GMFG: variants seen among roughly 807,000 people sequenced by gnomAD.
The protein encoded by GMFG is glia maturation factor gamma.
In GMFG, 21 loss-of-function variants were observed where a neutral mutation model predicts 26.1. The observed-to-expected ratio is 0.80, with a 90% CI of 0.57 to 1.16. The LOEUF (loss-of-function observed/expected upper bound fraction) is 1.16. Ranked by LOEUF, GMFG falls within the 50% of genes most tolerant of loss-of-function variation. The probability of loss-of-function intolerance (pLI) is 0.00; values close to 1 mark genes in which losing one functional copy is unlikely to be tolerated. For missense variants in GMFG, 161 were observed against 178.3 expected (o/e 0.90, Z 0.55); for synonymous variants, 65 against 60.8 (o/e 1.07, Z -0.32).
chr19:39,334,017 CTTTTTTTTTT>C (rs71169586), intron 3 of GMFG, among the ~76,000 whole-genome samples: 16,761 of 95,146 alleles, frequency 0.18, 1,560 homozygotes, highest in African/African-American at 0.36. Context: ...GAGATGGAGT[CTTTTTTTTTT>C]TTTTTTTTTT....
At chr19:39,329,701 G>A in intron 4 of GMFG, 75 bp from the exon 5 acceptor site, 1 of 915,706 alleles carries the variant, frequency 1.1e-6, no homozygotes, top group East Asian at 2.5e-5. Context: ...TGAGTCCACA[G>A]CCTTGAAATG....
intron 6 of GMFG, 128 bp from the exon 7 acceptor site, chr19:39,328,676 C>A: frequency 1.4e-6 from 1 of 696,578 alleles, no homozygotes; most frequent in South Asian, 1.5e-5. Context: ...GTCAGGAGTT[C>A]GAGACCAGCC....
chr19:39,329,560 G>C lies in GMFG; in HGVS notation c.267C>G (p.Ile89Met), dbSNP rs767923581. 6.2e-7 allele frequency: 1 copy of C among 1,603,006 alleles called. No individual in the cohort carries two copies. Among genetic ancestry groups the C allele is most frequent in the Non-Finnish European group, 8.5e-7 (1 of 1,169,952 alleles). ...DGRVSYPLCF[I>M]FSSPVGCKPE... ...GTGTCTCACCCACAGGGCTGGAGAA[G>C]ATGAAACACAAAGGGTAGGACACTC... The change falls in exon 5 of 7, where the codon ATC becomes ATG. Residue 89 changes from isoleucine to methionine, a missense_variant. By Grantham distance (10) the Ile-to-Met change is conservative. Transcript: ENST00000597595.
intron 3 of GMFG, among the ~76,000 whole-genome samples, chr19:39,333,766 G>T (rs1000183909): frequency 2.0e-5 from 3 of 152,008 alleles, no homozygotes; most frequent in Non-Finnish European, 4.4e-5. Context: ...TAAGGCATTT[G>T]CCCAAGATTG....
intron 6 of GMFG, 21 bp downstream of exon 6, chr19:39,328,979 G>C (rs768595093): frequency 6.3e-7 from 1 of 1,576,154 alleles, no homozygotes; most frequent in Non-Finnish European, 8.7e-7. Flanking sequence ...TAACACTCTG[G>C]AGCCCCATCC....
At chr19:39,334,899 A>C (rs565768050) in intron 3 of GMFG, among the ~76,000 whole-genome samples, 52 of 152,016 alleles carry the variant, frequency 3.4e-4, no homozygotes, top group Admixed American at 1.0e-3. Flanking sequence ...GTTCAGACTG[A>C]AGTGTAGTGG....
rs1321460182 is a variant in GMFG at position 39,329,546 on chromosome 19, A to C, written c.281T>G (p.Val94Gly). 1.3e-6 allele frequency: 2 copies of C among 1,582,236 alleles called. No individual in the cohort carries two copies. Among genetic ancestry groups the C allele is most frequent in the South Asian group, 2.2e-5 (2 of 90,390 alleles). ...AGGACAGTAGAGCTGTGTCTCACCC[A>C]CAGGGCTGGAGAAGATGAAACACAA... Reference protein sequence around the residue: ...YPLCFIFSSPVGCKPEQQMMY... With the variant: ...YPLCFIFSSPGGCKPEQQMMY... Residue 94 changes from valine (V) to glycine (G), a missense_variant and splice_region_variant, in exon 5 of 7, where the codon GTG becomes GGG. Transcript: ENST00000597595.
chr19:39,333,932 A>G (rs2075237515), intron 3 of GMFG, among the ~76,000 whole-genome samples: 1 of 147,586 alleles, frequency 6.8e-6, no homozygotes, highest in African/African-American at 2.5e-5. Flanking sequence ...AATAAGCCTT[A>G]TTATCATTCT....
intron 1 of GMFG, 52 bp from the exon 2 acceptor site, chr19:39,335,583 C>G (rs1330117284): frequency 2.5e-6 from 3 of 1,211,872 alleles, no homozygotes; most frequent in Non-Finnish European, 3.7e-6. Flanking sequence ...AGCCCTCACC[C>G]CTTCCCCAAA....
Position 39,329,078 on chromosome 19 carries a change from G to T in GMFG, c.284-5C>A. On this transcript the variant is annotated splice_polypyrimidine_tract_variant and splice_region_variant and intron_variant, in intron 5 of 6. Transcript: ENST00000597595. Reference sequence around the variant, plus strand: ...TCTGTTGTTCCGGCTTGCAGCCTGCGTGGAAAAGAGGAGAAAGGCACATCA... The same window carrying T: ...TCTGTTGTTCCGGCTTGCAGCCTGCTTGGAAAAGAGGAGAAAGGCACATCA... 6.2e-7 allele frequency: 1 copy of T among 1,608,968 alleles called. No homozygotes were observed. The highest frequency in any genetic ancestry group is 1.1e-5 in the South Asian group (1 of 90,978).
At chr19:39,330,595 A>ATTT (rs568367051) in intron 4 of GMFG, among the ~76,000 whole-genome samples, 1 of 131,442 alleles carries the variant, frequency 7.6e-6, no homozygotes, top group Non-Finnish European at 1.6e-5. Context: ...TGCCCAGCTA[A>ATTT]TTTTTTTTTT....
chr19:39,333,935 A>T (rs2075237540), intron 3 of GMFG, among the ~76,000 whole-genome samples: 1 of 150,610 alleles, frequency 6.6e-6, no homozygotes. Context: ...AAGCCTTATT[A>T]TCATTCTTGT....
chr19:39,335,529 A>C lies in GMFG; in HGVS notation c.6T>G (p.Ser2=). M[S]DSLVVCEVDP... is the part of the protein sequence containing the mutation. The stretch of plus-strand genomic sequence containing the variant: ...CTACCTCGCACACCACCAGGGAGTC[A>C]GACTGCCGGAGGGACCCAGGAAGAG... Residue 2 remains serine (S), a splice_region_variant and synonymous_variant, in exon 2 of 7, where the codon TCT becomes TCG. Transcript: ENST00000597595. 2 of 1,608,618 alleles carry C rather than the reference A, an allele frequency of 1.2e-6. No individual in the cohort carries two copies. Among genetic ancestry groups the C allele is most frequent in the Non-Finnish European group, 1.7e-6 (2 of 1,174,942 alleles).
At chr19:39,332,237 A>C (rs2075229283) in intron 4 of GMFG, among the ~76,000 whole-genome samples, 1 of 151,620 alleles carries the variant, frequency 6.6e-6, no homozygotes, top group African/African-American at 2.4e-5. Context: ...GGCTGAGGCC[A>C]GAGAATCGCT....
intron 4 of GMFG, among the ~76,000 whole-genome samples, chr19:39,330,302 G>A (rs919950916): frequency 1.3e-5 from 2 of 152,130 alleles, no homozygotes; most frequent in African/African-American, 4.8e-5. Context: ...CAGGTGCACT[G>A]TGACCAGTGA....
At chr19:39,332,050 A>G (rs2145053785) in intron 4 of GMFG, among the ~76,000 whole-genome samples, 1 of 150,844 alleles carries the variant, frequency 6.6e-6, no homozygotes, top group South Asian at 2.1e-4. Context: ...TTTAATAGAG[A>G]CAAGGTCCTC....
chr19:39,332,413 C>T (rs1475355158), intron 4 of GMFG, among the ~76,000 whole-genome samples: 1 of 151,696 alleles, frequency 6.6e-6, no homozygotes, highest in East Asian at 1.9e-4. Context: ...GGTGATCCTC[C>T]CGCCTCAGGC....
At chr19:39,329,758 C>T in intron 4 of GMFG, 132 bp from the exon 5 acceptor site, 1 of 680,036 alleles carries the variant, frequency 1.5e-6, no homozygotes, top group African/African-American at 1.8e-5. Flanking sequence ...ACTCAGGGTA[C>T]TGACCTCAAA....
chr19:39,331,988 A>G (rs1271643734), intron 4 of GMFG, among the ~76,000 whole-genome samples: 1 of 151,568 alleles, frequency 6.6e-6, no homozygotes, highest in African/African-American at 2.4e-5. Context: ...CAGCCTCCCA[A>G]GTAGCTGGAA....
Sources: gnomAD v4.1 joint callset for allele counts (sites outside exome capture counted in the v4.1 genomes callset) on GRCh38, gnomAD v4.1.1 for gene constraint, MANE v1.5 for transcripts, NCBI Gene and HGNC (gene_info 2026-07-23, HGNC 2026-07-21) for gene names.